Variants in NEGR1 observed in about 807,000 individuals in gnomAD.
NEGR1 encodes the protein IgLON family member 4.
Under a neutral mutation model 40.9 loss-of-function variants are expected in NEGR1, and 10 were observed. The ratio of observed to expected loss-of-function variants is 0.24; its 90% CI spans 0.15 to 0.42. The LOEUF (loss-of-function observed/expected upper bound fraction) is 0.42, where lower values mean the gene tolerates loss of function less well. Ranked by LOEUF, NEGR1 falls within the 10% of genes least tolerant of loss-of-function variation. The pLI, the probability that NEGR1 is intolerant of heterozygous loss-of-function variation, is 1.00. For synonymous variants in NEGR1, 185 were observed against 166.8 expected (o/e 1.11, Z -0.84); for missense variants, 352 against 438.9 (o/e 0.80, Z 1.77).
At chr1:71,955,828 G>C (rs1221667579) in intron 1 of NEGR1, among the ~76,000 whole-genome samples, 1 of 152,092 alleles carries the variant, frequency 6.6e-6, no homozygotes, top group African/African-American at 2.4e-5. Context: ...ACGAAATTAA[G>C]TTTTCACGGA....
chr1:71,866,837 G>A (rs370681388), intron 2 of NEGR1, among the ~76,000 whole-genome samples: 6 of 152,172 alleles, frequency 3.9e-5, no homozygotes, highest in African/African-American at 1.4e-4. Context: ...TGCAGTGTCA[G>A]AAGATAAGAA....
chr1:71,463,696 G>A (rs1646728082), intron 6 of NEGR1, among the ~76,000 whole-genome samples: 1 of 152,148 alleles, frequency 6.6e-6, no homozygotes, highest in African/African-American at 2.4e-5. Flanking sequence ...TTCTTAGGCT[G>A]TAGTGAACAA....
intron 2 of NEGR1, among the ~76,000 whole-genome samples, chr1:71,930,188 T>C (rs1645841910): frequency 1.3e-5 from 2 of 152,178 alleles, no homozygotes; most frequent in South Asian, 4.1e-4. Flanking sequence ...TCAGGTTATA[T>C]TGAAAGCTGT....
intron 1 of NEGR1, among the ~76,000 whole-genome samples, chr1:72,250,326 T>G (rs2100529070): frequency 6.6e-6 from 1 of 152,202 alleles, no homozygotes; most frequent in African/African-American, 2.4e-5. Flanking sequence ...GAACTCTGAC[T>G]AATATACTAC....
chr1:71,782,577 C>T (rs1656755695), intron 2 of NEGR1, among the ~76,000 whole-genome samples: 1 of 152,002 alleles, frequency 6.6e-6, no homozygotes, highest in Non-Finnish European at 1.5e-5. Flanking sequence ...AAGTTGTGTG[C>T]TTTATTCAAC....
chr1:72,032,355 A>G (rs1646865776), intron 1 of NEGR1, among the ~76,000 whole-genome samples: 1 of 152,186 alleles, frequency 6.6e-6, no homozygotes, highest in Non-Finnish European at 1.5e-5. Context: ...TAATGGGCAG[A>G]GTAGGAAGGT....
intron 6 of NEGR1, among the ~76,000 whole-genome samples, chr1:71,560,927 C>G (rs957195809): frequency 1.3e-5 from 2 of 151,472 alleles, no homozygotes; most frequent in African/African-American, 4.8e-5. Flanking sequence ...CTAGGTAGAA[C>G]TGGGTTTGAA....
At chr1:71,416,658 T>C (rs1646358078) in intron 6 of NEGR1, among the ~76,000 whole-genome samples, 1 of 152,202 alleles carries the variant, frequency 6.6e-6, no homozygotes, top group Non-Finnish European at 1.5e-5. Flanking sequence ...CCAAAGGACT[T>C]TGTATGGAAT....
At chr1:71,987,070 CT>C (rs201637969) in intron 1 of NEGR1, among the ~76,000 whole-genome samples, 6 of 151,666 alleles carry the variant, frequency 4.0e-5, no homozygotes, top group Middle Eastern at 3.4e-3. Flanking sequence ...CAGGGAGAAA[CT>C]TTTTTTTTCT....
chr1:71,533,581 G>A (rs1647423764), intron 6 of NEGR1, among the ~76,000 whole-genome samples: 1 of 151,504 alleles, frequency 6.6e-6, no homozygotes, highest in Admixed American at 6.6e-5. Context: ...GTGTCTACAA[G>A]GCACTGTTGG....
intron 2 of NEGR1, among the ~76,000 whole-genome samples, chr1:71,850,816 C>CT (rs1229573921): frequency 6.6e-6 from 1 of 152,100 alleles, no homozygotes; most frequent in African/African-American, 2.4e-5. Context: ...TCTATAAAGA[C>CT]TCTAACACTG....
chr1:71,425,789 G>T (rs1646424919), intron 6 of NEGR1, among the ~76,000 whole-genome samples: 1 of 152,088 alleles, frequency 6.6e-6, no homozygotes, highest in South Asian at 2.1e-4. Flanking sequence ...AGGAACCATG[G>T]CAAATTTGGA....
intron 1 of NEGR1, among the ~76,000 whole-genome samples, chr1:72,169,197 G>T (rs1211554726): frequency 6.6e-6 from 1 of 152,034 alleles, no homozygotes; most frequent in Non-Finnish European, 1.5e-5. Flanking sequence ...ATCAGCAAAG[G>T]ATATTAAATG....
chr1:71,550,001 T>G (rs1294203826), intron 6 of NEGR1, among the ~76,000 whole-genome samples: 3 of 151,682 alleles, frequency 2.0e-5, no homozygotes, highest in Admixed American at 2.0e-4. Context: ...CTTCCAATGA[T>G]CTATACTTCT....
At chr1:71,558,973 A>G (rs544764893) in intron 6 of NEGR1, among the ~76,000 whole-genome samples, 95 of 148,316 alleles carry the variant, frequency 6.4e-4, no homozygotes, top group South Asian at 2.9e-3. Context: ...CAGTGCATGT[A>G]TACACATATC....
chr1:72,086,770 G>T (rs1297300344), intron 1 of NEGR1, among the ~76,000 whole-genome samples: 2 of 151,894 alleles, frequency 1.3e-5, no homozygotes, highest in African/African-American at 2.4e-5. Context: ...ATAAGGTCGT[G>T]TTATATTTAT....
chr1:71,501,199 T>C (rs1226080821), intron 6 of NEGR1, among the ~76,000 whole-genome samples: 1 of 152,116 alleles, frequency 6.6e-6, no homozygotes, highest in African/African-American at 2.4e-5. Flanking sequence ...GATCTAACAA[T>C]AAGTTGATAT....
intron 6 of NEGR1, among the ~76,000 whole-genome samples, chr1:71,513,564 T>C (rs1401243297): frequency 6.6e-6 from 1 of 152,186 alleles, no homozygotes; most frequent in South Asian, 2.1e-4. Flanking sequence ...ATGTCTATGT[T>C]TATGAAGTAC....
intron 3 of NEGR1, among the ~76,000 whole-genome samples, chr1:71,757,990 CT>C (rs1655800046): frequency 1.3e-5 from 2 of 151,798 alleles, no homozygotes; most frequent in African/African-American, 4.8e-5. Context: ...AACTCTTTGC[CT>C]GTAATATCTC....
Sources: gnomAD v4.1 joint callset for allele counts (sites outside exome capture counted in the v4.1 genomes callset) on GRCh38, gnomAD v4.1.1 for gene constraint, MANE v1.5 for transcripts, NCBI Gene and HGNC (gene_info 2026-07-23, HGNC 2026-07-21) for gene names.